Variants in ZBTB48 observed in about 807,000 individuals in gnomAD.
The protein encoded by ZBTB48 is zinc finger and BTB domain containing 48.
A neutral mutation model predicts 64.5 loss-of-function variants in ZBTB48; 35 were observed. The observed-to-expected ratio is 0.54, with a 90% CI of 0.41 to 0.72. ZBTB48 has a LOEUF of 0.72. ZBTB48 is among the 30% of genes least tolerant of loss of function. The pLI, the probability that ZBTB48 is intolerant of heterozygous loss-of-function variation, is 0.00. For synonymous variants in ZBTB48, 442 were observed against 356.7 expected, an observed-to-expected ratio of 1.24 and a Z score of -2.70; for missense variants, 828 against 895.3, an observed-to-expected ratio of 0.92 and a Z score of 0.96.
In ZBTB48 at chr1:6,582,224, G is replaced by T. The variant is rs1272192085; in HGVS notation, c.857G>T (p.Gly286Val). 2 of 1,614,182 alleles carry T rather than the reference G, an allele frequency of 1.2e-6. No individual in the cohort carries two copies. The highest frequency in any genetic ancestry group is 1.7e-6 in the Non-Finnish European group (2 of 1,180,042). ...LAAEPAENRK[G>V]TAVPVECPTC... ...GCTGAGCCTGCTGAGAACAGAAAAG[G>T]TACAGCGGTGCCGGTCGAATGCCCC... Residue 286 changes from glycine (G) to valine (V), a missense_variant, in exon 3 of 11, where the codon GGT (glycine) becomes GTT (valine). Gly to Val is a moderately radical substitution (Grantham distance 109, BLOSUM62 -3). Transcript: ENST00000377674.
In ZBTB48 at chr1:6,587,483, C is replaced by G. The variant is rs1034995676; in HGVS notation, c.1230C>G (p.Pro410=). The change falls in exon 7 of 11, where the codon CCC becomes CCG. Residue 410 remains proline (P), a synonymous_variant. Coordinates refer to ENST00000377674, the MANE Select transcript of ZBTB48 (RefSeq NM_005341.4). The part of the protein sequence containing the change: ...LHGAPKPHAC[P]TCAKCFLSRT... The stretch of plus-strand genomic sequence containing the variant: ...CCTGCCTGGTCTGCCTGCAGTGCCC[C>G]ACCTGTGCCAAGTGCTTCCTGTCTC... The G allele has an allele frequency of 6.2e-7, 1 of 1,613,764 alleles. No homozygotes were observed. Among genetic ancestry groups the G allele is most frequent in the South Asian group, 1.1e-5 (1 of 91,074 alleles).
At chr1:6,582,353 G>A (rs988887544) in intron 3 of ZBTB48, 54 bp downstream of exon 3, 1 of 1,584,024 alleles carries the variant, frequency 6.3e-7, no homozygotes, top group African/African-American at 1.3e-5. Context: ...CCACGTTGGG[G>A]GAGGGGTCCT....
chr1:6,586,271 GC>G, intron 4 of ZBTB48: 1 of 550,398 alleles, frequency 1.8e-6, no homozygotes, highest in Non-Finnish European at 3.2e-6. Context: ...GCTTTCCTAG[GC>G]CCCTGGCCCA....
chr1:6,583,684 T>G (rs773722554), intron 3 of ZBTB48, among the ~76,000 whole-genome samples: 11 of 151,680 alleles, frequency 7.3e-5, no homozygotes, highest in Non-Finnish European at 1.5e-4. Context: ...CACTGCAACT[T>G]CTGTCTCCCA....
chr1:6,588,421 A>C lies in ZBTB48; in HGVS notation c.1660A>C (p.Ile554Leu). 2 of 1,555,764 alleles carry C rather than the reference A, an allele frequency of 1.3e-6. No individual in the cohort carries two copies. The highest frequency in any genetic ancestry group is 1.7e-6 in the Non-Finnish European group (2 of 1,149,280). ...GGAGGGCCGGCCCCACTTCTGCCAG[A>C]TATGCGGCAAGACCTTCAAAGGTAC... ...HQEGRPHFCQ[I>L]CGKTFKAVEQ... Residue 554 changes from isoleucine to leucine, a missense_variant, in exon 9 of 11, where the codon ATA (isoleucine) becomes CTA (leucine). Physicochemically the swap from Ile to Leu is conservative, Grantham distance 5. Coordinates refer to ENST00000377674, the MANE Select transcript of ZBTB48 (RefSeq NM_005341.4).
In ZBTB48 at chr1:6,588,921, C is replaced by T; in HGVS notation, c.1776C>T (p.His592=). The change falls in exon 11 of 11, where the codon CAC becomes CAT. Residue 592 remains histidine, a synonymous_variant. Transcript: ENST00000377674. ...ECGYKFTRQA[H]LRRHMEIHDR... is the part of the protein sequence containing the mutation. ...GAGCTCACCCTCCCCGCCAGGCCCA[C>T]CTGCGGAGGCACATGGAGATCCACG... is the stretch of plus-strand genomic sequence containing the variant. 3 of 1,613,278 alleles carry T rather than the reference C, an allele frequency of 1.9e-6. No individual in the cohort carries two copies. The highest frequency in any genetic ancestry group is 8.5e-7 in the Non-Finnish European group (1 of 1,179,568).
chr1:6,582,480 C>T (rs920468140), intron 3 of ZBTB48, among the ~76,000 whole-genome samples, 181 bp downstream of exon 3: 6 of 152,186 alleles, frequency 3.9e-5, no homozygotes, highest in African/African-American at 1.4e-4. Flanking sequence ...GGGTTGGATT[C>T]TTCTTCCTTG....
rs143591275 is a variant in ZBTB48 at position 6,588,309 on chromosome 1, C to G, written c.1548C>G (p.Thr516=). Residue 516 remains threonine, a synonymous_variant, in exon 9 of 11, where the codon ACC becomes ACG. Coordinates refer to ENST00000377674, the MANE Select transcript of ZBTB48 (RefSeq NM_005341.4). ...TGGACAAGCACAACCGCACCCACACCGGGGAAAGGCCCTTCAGTTGCGAGT... is the reference window on the plus strand; with the variant it reads ...TGGACAAGCACAACCGCACCCACACGGGGGAAAGGCCCTTCAGTTGCGAGT... ...ASLDKHNRTH[T]GERPFSCEFC... 3 of 1,607,728 alleles carry G rather than the reference C, an allele frequency of 1.9e-6. No homozygotes were observed. Among genetic ancestry groups the G allele is most frequent in the Admixed American group, 3.3e-5 (2 of 59,888 alleles).
intron 3 of ZBTB48, 74 bp from the exon 4 acceptor site, chr1:6,585,845 C>G (rs1640642027): frequency 6.8e-7 from 1 of 1,465,126 alleles, no homozygotes; most frequent in South Asian, 1.1e-5. Flanking sequence ...TAGAAGGGAC[C>G]CAGAGGGGGC....
rs1640717319 is a variant in ZBTB48 at position 6,587,512 on chromosome 1, CAG to C, written c.1262_1263del (p.Glu421AlafsTer5). 6.2e-7 allele frequency: 1 copy of C among 1,613,936 alleles called. No homozygotes were observed. The highest frequency in any genetic ancestry group is 1.3e-5 in the African/African-American group (1 of 74,922). On this transcript the variant is annotated frameshift_variant, in exon 7 of 11. Transcript: ENST00000377674. LOFTEE classifies it high-confidence loss of function. Reference sequence around the variant, plus strand: ...TGTGCCAAGTGCTTCCTGTCTCGGACAGAGCTGCAGCTGCATGAAGCTTTCAA... The same window carrying C: ...TGTGCCAAGTGCTTCCTGTCTCGGACAGCTGCAGCTGCATGAAGCTTTCAA...
chr1:6,580,730 T>A lies in ZBTB48; in HGVS notation c.121T>A (p.Trp41Arg). Residue 41 changes from tryptophan to arginine, a missense_variant, in exon 2 of 11, where the codon TGG becomes AGG. By Grantham distance (101) the Trp-to-Arg change is moderately radical. Coordinates refer to ENST00000377674, the MANE Select transcript of ZBTB48 (RefSeq NM_005341.4). This position sits in a 1 kb window ranked among gnomAD's most constrained non-coding sequence, Gnocchi z 5.2. ...DVGGLVFKAH[W>R]SVLACCSHFF... is the part of the protein sequence containing the mutation. ...GGGGGGCCTGGTGTTTAAGGCACACTGGAGTGTCCTTGCCTGCTGCAGTCA... is the reference window on the plus strand; with the variant it reads ...GGGGGGCCTGGTGTTTAAGGCACACAGGAGTGTCCTTGCCTGCTGCAGTCA... 1.2e-6 allele frequency: 2 copies of A among 1,614,168 alleles called. No individual in the cohort carries two copies. Among genetic ancestry groups the A allele is most frequent in the Non-Finnish European group, 1.7e-6 (2 of 1,180,040 alleles).
At position 6,588,297 on chromosome 1, in the gene ZBTB48, C is replaced by T. The variant is rs111971951; in HGVS notation, c.1536C>T (p.Asn512=). The change falls in exon 9 of 11, where the codon AAC becomes AAT. Residue 512 remains asparagine (N), a synonymous_variant. Transcript: ENST00000377674. The part of the protein sequence containing the change: ...FRTQASLDKH[N]RTHTGERPFS... ...CTGCAGCCAGCCTGGACAAGCACAA[C>T]CGCACCCACACCGGGGAAAGGCCCT... is the stretch of plus-strand genomic sequence containing the variant. 9.9e-6 allele frequency: 16 copies of T among 1,608,234 alleles called. No homozygotes were observed. Among genetic ancestry groups the T allele is most frequent in the African/African-American group, 4.0e-5 (3 of 74,970 alleles).
Position 6,588,608 on chromosome 1 carries a change from TG to T in ZBTB48, c.1682-145del, listed in dbSNP as rs1570179996. 1.7e-5 allele frequency: 24 copies of T among 1,438,840 alleles called. No homozygotes were observed. In the East Asian group the frequency reaches 5.7e-4, roughly 34 times the overall value. 89.1% of individuals were successfully genotyped at this position (1,438,840 alleles called of 1,614,324 possible). A position where few individuals can be genotyped will look rare whatever the true frequency, so the allele number is the denominator to read the frequency against. ...GGGGTGTCCTGTGCAGTAGTGACCC[TG>T]GGTGGCACTGGAGAGCCTGGCAGGG... is the stretch of plus-strand genomic sequence containing the variant. On this transcript the variant is annotated intron_variant, in intron 9 of 10. Coordinates refer to ENST00000377674, the MANE Select transcript of ZBTB48 (RefSeq NM_005341.4).
chr1:6,589,194 C>G lies in ZBTB48; in HGVS notation c.2049C>G (p.Pro683=), dbSNP rs572567992. 2 of 1,523,794 alleles carry G rather than the reference C, an allele frequency of 1.3e-6. No individual in the cohort carries two copies. The highest frequency in any genetic ancestry group is 2.3e-5 in the East Asian group (1 of 43,766). 94.4% of individuals were successfully genotyped at this position (1,523,794 alleles called of 1,614,324 possible). Residue 683 remains proline, a synonymous_variant, in exon 11 of 11, where the codon CCC becomes CCG. Transcript: ENST00000377674. ...CCCTCATCATCACAGCTGCTGTCCC[C>G]GAGGACTGTGACACATAGCCCATTC... ...EPSLIITAAV[P]EDCDT
chr1:6,580,835 T>C lies in ZBTB48; in HGVS notation c.226T>C (p.Leu76=), dbSNP rs1640418960. The C allele has an allele frequency of 4.3e-6, 7 of 1,614,220 alleles. No individual in the cohort carries two copies. Among genetic ancestry groups the C allele is most frequent in the Middle Eastern group, 1.6e-4 (1 of 6,062 alleles). Reference sequence around the variant, plus strand: ...TGGCTTCGCTGAGATCTTTGGCCTCTTGTTGGACTTTTTCTACACTGGTCA... The same window carrying C: ...TGGCTTCGCTGAGATCTTTGGCCTCCTGTTGGACTTTTTCTACACTGGTCA... ...PAGFAEIFGL[L]LDFFYTGHLA... The change falls in exon 2 of 11, where the codon TTG becomes CTG. Residue 76 remains leucine (L), a synonymous_variant. Coordinates refer to ENST00000377674, the MANE Select transcript of ZBTB48 (RefSeq NM_005341.4). This position sits in a 1 kb window ranked among gnomAD's most constrained non-coding sequence, Gnocchi z 5.2.
At position 6,589,056 on chromosome 1, in the gene ZBTB48, C is replaced by T; in HGVS notation, c.1911C>T (p.Gly637=). 14 of 1,602,414 alleles carry T rather than the reference C, an allele frequency of 8.7e-6. No individual in the cohort carries two copies. The highest frequency in any genetic ancestry group is 1.2e-5 in the Non-Finnish European group (14 of 1,175,208). ...AGCCGCCTGCAGAGCTGGAGGTGGG[C>T]TCGGCGGAGGTCATTGTGGAGTCCC... ...ALQPPAELEV[G]SAEVIVESLA... Residue 637 remains glycine, a synonymous_variant, in exon 11 of 11, where the codon GGC becomes GGT. Transcript: ENST00000377674.
Position 6,589,188 on chromosome 1 carries a change from T to C in ZBTB48, c.2043T>C (p.Ala681=). The change falls in exon 11 of 11, where the codon GCT becomes GCC. Residue 681 remains alanine (A), a synonymous_variant. Coordinates refer to ENST00000377674, the MANE Select transcript of ZBTB48 (RefSeq NM_005341.4). ...AGCCCTCCCTCATCATCACAGCTGC[T>C]GTCCCCGAGGACTGTGACACATAGC... ...VLEPSLIITA[A]VPEDCDT 1 of 1,531,230 alleles carries C rather than the reference T, an allele frequency of 6.5e-7. No homozygotes were observed. The highest frequency in any genetic ancestry group is 8.8e-7 in the Non-Finnish European group (1 of 1,142,720). 94.9% of individuals were successfully genotyped at this position (1,531,230 alleles called of 1,614,324 possible).
chr1:6,586,096 C>A, intron 4 of ZBTB48, 66 bp downstream of exon 4: 2 of 1,505,906 alleles, frequency 1.3e-6, no homozygotes, highest in South Asian at 1.1e-5. Flanking sequence ...TCGTGCCATC[C>A]GGGAAGGGCC....
At chr1:6,581,457 T>C (rs1351818460) in intron 2 of ZBTB48, among the ~76,000 whole-genome samples, 158 bp downstream of exon 2, 1 of 151,812 alleles carries the variant, frequency 6.6e-6, no homozygotes, top group Non-Finnish European at 1.5e-5. Flanking sequence ...AGCTTGGGAG[T>C]TCGAGACCAG....
Sources: gnomAD v4.1 joint callset for allele counts (sites outside exome capture counted in the v4.1 genomes callset) on GRCh38, gnomAD v4.1.1 for gene constraint, Gnocchi (gnomAD v3.1) non-coding constraint, MANE v1.5 for transcripts, NCBI Gene and HGNC (gene_info 2026-07-23, HGNC 2026-07-21) for gene names.